Variants in NLRP6 observed in about 807,000 individuals in gnomAD.
NLRP6 encodes NLR family pyrin domain containing 6.
NLRP6 carries 55 observed loss-of-function variants against 70.9 expected under a neutral mutation model. The ratio of observed to expected loss-of-function variants is 0.78; its 90% CI spans 0.62 to 0.97. NLRP6 has a LOEUF of 0.97. NLRP6 is among the 50% of genes least tolerant of loss of function. The pLI, the probability that NLRP6 is intolerant of heterozygous loss-of-function variation, is 0.00. For synonymous variants in NLRP6, 652 were observed against 581.9 expected (o/e 1.12, Z -1.73); for missense variants, 1,241 against 1,238.3 (o/e 1.00, Z -0.03).
In NLRP6 at chr11:278,975, T is replaced by C. The variant is rs1260803536; in HGVS notation, c.30-352T>C. Reference sequence around the variant, plus strand: ...AAGAGAGCTCAGGGTTCCTTGGAAATACCTCCCTCGGGGCATGTGACCTGT... The same window carrying C: ...AAGAGAGCTCAGGGTTCCTTGGAAACACCTCCCTCGGGGCATGTGACCTGT... On this transcript the variant is annotated intron_variant, in intron 1 of 7. Transcript: ENST00000534750. The surrounding 1 kb of genome is among the most constrained non-coding windows in gnomAD (Gnocchi z 4.7). 1 of 343,872 alleles carries C rather than the reference T, an allele frequency of 2.9e-6. No homozygotes were observed. Among genetic ancestry groups the C allele is most frequent in the Non-Finnish European group, 5.2e-6 (1 of 190,694 alleles). 21.3% of individuals were successfully genotyped at this position (343,872 alleles called of 1,614,324 possible). A position where few individuals can be genotyped will look rare whatever the true frequency, so the allele number is the denominator to read the frequency against.
Position 280,784 on chromosome 11 carries a change from C to T in NLRP6, c.1050C>T (p.Ser350=), listed in dbSNP as rs765110010. ...AGTGCGCCGAGGTGCGCGGCTTCTCCGACAAGGACAAGAAGAAGTATTTCT... is the reference window on the plus strand; with the variant it reads ...AGTGCGCCGAGGTGCGCGGCTTCTCTGACAAGGACAAGAAGAAGTATTTCT... The part of the protein sequence containing the change: ...SPQCAEVRGF[S]DKDKKKYFYK... The change falls in exon 4 of 8, where the codon TCC becomes TCT. Residue 350 remains serine (S), a synonymous_variant. Coordinates refer to ENST00000534750, the MANE Select transcript of NLRP6 (RefSeq NM_001276700.2). 1 of 1,612,298 alleles carries T rather than the reference C, an allele frequency of 6.2e-7. No homozygotes were observed. The highest frequency in any genetic ancestry group is 2.2e-5 in the East Asian group (1 of 44,872).
intron 4 of NLRP6, among the ~76,000 whole-genome samples, chr11:282,215 G>C (rs1845489634): frequency 6.6e-6 from 1 of 152,014 alleles, no homozygotes; most frequent in African/African-American, 2.4e-5. Context: ...TGCCTGTCCT[G>C]CAAGTCTGCC....
rs1165656136 is a variant in NLRP6 at position 280,499 on chromosome 11, C to A, written c.765C>A (p.Asp255Glu). The change falls in exon 4 of 8, where the codon GAC (aspartate) becomes GAA (glutamate). Residue 255 changes from aspartate (D) to glutamate (E), a missense_variant. By Grantham distance (45) the Asp-to-Glu change is conservative. Transcript: ENST00000534750. ...GTRSLADLIL[D>E]QCPDRGAPVP... is the part of the protein sequence containing the mutation. ...GCAGCCTGGCTGACCTGATCCTGGACCAGTGCCCCGACCGCGGCGCGCCGG... is the reference window on the plus strand; with the variant it reads ...GCAGCCTGGCTGACCTGATCCTGGAACAGTGCCCCGACCGCGGCGCGCCGG... 5.1e-6 allele frequency: 8 copies of A among 1,581,972 alleles called. No homozygotes were observed. The East Asian group carries it at 1.9e-4, about 37-fold the overall frequency.
In NLRP6 at chr11:278,911, C is replaced by A. The variant is rs565632362; in HGVS notation, c.29+313C>A. ...TGCTGCCAAAGAGGCCAGTTCTGCTCCGGGATCGGGAAGAGAGGGAAAAGA... is the reference window on the plus strand; with the variant it reads ...TGCTGCCAAAGAGGCCAGTTCTGCTACGGGATCGGGAAGAGAGGGAAAAGA... On this transcript the variant is annotated intron_variant, in intron 1 of 7. Coordinates refer to ENST00000534750, the MANE Select transcript of NLRP6 (RefSeq NM_001276700.2). The surrounding 1 kb of genome is among the most constrained non-coding windows in gnomAD (Gnocchi z 4.7). 1 of 365,216 alleles carries A rather than the reference C, an allele frequency of 2.7e-6. No homozygotes were observed. Among genetic ancestry groups the A allele is most frequent in the East Asian group, 4.2e-5 (1 of 23,920 alleles). The allele number at this position is 365,216 out of a possible 1,614,324, so 22.6% of individuals were successfully genotyped here. A position where few individuals can be genotyped will look rare whatever the true frequency, so the allele number is the denominator to read the frequency against.
At position 281,807 on chromosome 11, in the gene NLRP6, G is replaced by GAAGCGGCTCCAGGCCAGCCTGGGT. The variant is rs772978951; in HGVS notation, c.2074_2097dup (p.Lys692_Gly699dup). The GAAGCGGCTCCAGGCCAGCCTGGGT allele has an allele frequency of 1.9e-6, 3 of 1,592,816 alleles. No individual in the cohort carries two copies. Among genetic ancestry groups the GAAGCGGCTCCAGGCCAGCCTGGGT allele is most frequent in the Non-Finnish European group, 2.6e-6 (3 of 1,173,046 alleles). ...AGGAGAAGAAGAAGAAGAGCCTGGG[G>GAAGCGGCTCCAGGCCAGCCTGGGT]AAGCGGCTCCAGGCCAGCCTGGGTG... On this transcript the variant is annotated inframe_insertion, in exon 4 of 8. Coordinates refer to ENST00000534750, the MANE Select transcript of NLRP6 (RefSeq NM_001276700.2).
intron 7 of NLRP6, 90 bp from the exon 8 acceptor site, chr11:285,076 C>T (rs1048742146): frequency 6.5e-5 from 77 of 1,186,932 alleles, no homozygotes; most frequent in Non-Finnish European, 8.3e-5. Context: ...CGTCACTGCC[C>T]GCGGCCCGGC....
chr11:280,022 C>G (rs1044025589), intron 3 of NLRP6, 62 bp from the exon 4 acceptor site: 13 of 1,429,470 alleles, frequency 9.1e-6, no homozygotes, highest in East Asian at 2.6e-5. Context: ...CGTGGGCTCC[C>G]GGAGGGCGCA....
In NLRP6 at chr11:282,763, A is replaced by G. The variant is rs199534188; in HGVS notation, c.2164A>G (p.Met722Val). ...ASLLHPLFQA[M>V]TDPLCHLSSL... ...CCTTCTTCATCCACTCTTTCAGGCA[A>G]TGACTGACCCACTGTGCCATCTGAG... is the stretch of plus-strand genomic sequence containing the variant. Residue 722 changes from methionine (M) to valine (V), a missense_variant, in exon 5 of 8, where the codon ATG (methionine) becomes GTG (valine). Met to Val is a conservative substitution (Grantham distance 21). Coordinates refer to ENST00000534750, the MANE Select transcript of NLRP6 (RefSeq NM_001276700.2). 1 of 1,613,850 alleles carries G rather than the reference A, an allele frequency of 6.2e-7. No individual in the cohort carries two copies. Among genetic ancestry groups the G allele is most frequent in the Admixed American group, 1.7e-5 (1 of 60,006 alleles).
chr11:284,187 G>T, intron 5 of NLRP6, 43 bp from the exon 6 acceptor site: 1 of 1,589,690 alleles, frequency 6.3e-7, no homozygotes, highest in South Asian at 1.1e-5. Flanking sequence ...TGGTGTGGTG[G>T]CTGAGGCGCC....
chr11:282,931 T>C, intron 5 of NLRP6, 134 bp downstream of exon 5: 1 of 706,814 alleles, frequency 1.4e-6, no homozygotes, highest in South Asian at 1.5e-5. Context: ...GTGCTGGAGA[T>C]GGCAGGCTCT....
rs1281469890 is a variant in NLRP6 at position 284,301 on chromosome 11, T to C, written c.2270T>C (p.Leu757Pro). 1 of 1,612,594 alleles carries C rather than the reference T, an allele frequency of 6.2e-7. No homozygotes were observed. Among genetic ancestry groups the C allele is most frequent in the Admixed American group, 1.7e-5 (1 of 60,004 alleles). Residue 757 changes from leucine to proline, a missense_variant, in exon 6 of 8, where the codon CTG becomes CCG. Transcript: ENST00000534750. ...LSEALRAAPA[L>P]TELGLLHNRL... is the part of the protein sequence containing the mutation. ...GAGGCCCTGAGGGCAGCCCCCGCACTGACGGAGCTGGGCCTCCTCCACAAC... is the reference window on the plus strand; with the variant it reads ...GAGGCCCTGAGGGCAGCCCCCGCACCGACGGAGCTGGGCCTCCTCCACAAC...
chr11:279,291 GC>G (rs1845431344), intron 1 of NLRP6, 35 bp from the exon 2 acceptor site: 1 of 1,258,618 alleles, frequency 7.9e-7, no homozygotes, highest in Non-Finnish European at 1.0e-6. Flanking sequence ...TCACCCGAGG[GC>G]CGCTCCCCGA....
Position 280,246 on chromosome 11 carries a change from C to T in NLRP6, c.512C>T (p.Pro171Leu), listed in dbSNP as rs1845449250. The stretch of plus-strand genomic sequence containing the variant: ...ATGGGGCCCGCGGAAGAGCCTGAGC[C>T]GGGGCGCGCGCGGCGCTCGGACACG... The part of the protein sequence containing the change: ...EAMGPAEEPE[P>L]GRARRSDTHT... The change falls in exon 4 of 8, where the codon CCG becomes CTG. Residue 171 changes from proline to leucine, a missense_variant. Physicochemically the swap from Pro to Leu is moderately conservative, Grantham distance 98. Transcript: ENST00000534750. 5 of 1,528,828 alleles carry T rather than the reference C, an allele frequency of 3.3e-6. No individual in the cohort carries two copies. The highest frequency in any genetic ancestry group is 4.4e-6 in the Non-Finnish European group (5 of 1,139,540). 94.7% of individuals were successfully genotyped at this position (1,528,828 alleles called of 1,614,324 possible). A position where few individuals can be genotyped will look rare whatever the true frequency, so the allele number is the denominator to read the frequency against.
intron 1 of NLRP6, chr11:279,032 G>A: frequency 2.8e-6 from 1 of 363,088 alleles, no homozygotes; most frequent in East Asian, 4.1e-5. Context: ...AGCAGAAAGG[G>A]AGGTGCAGGG....
At chr11:283,056 G>C (rs979694363) in intron 5 of NLRP6, among the ~76,000 whole-genome samples, 1 of 152,212 alleles carries the variant, frequency 6.6e-6, no homozygotes, top group African/African-American at 2.4e-5. Flanking sequence ...CACACTGAGG[G>C]AGGGATTAAA....
At position 280,595 on chromosome 11, in the gene NLRP6, G is replaced by T. The variant is rs928878536; in HGVS notation, c.861G>T (p.Leu287=). Residue 287 remains leucine (L), a synonymous_variant, in exon 4 of 8, where the codon CTG becomes CTT. Transcript: ENST00000534750. The part of the protein sequence containing the change: ...ILDGADELPA[L]GGPEAAPCTD... ...ACGGCGCGGACGAGCTGCCGGCGCTGGGGGGCCCCGAGGCCGCGCCCTGCA... is the reference window on the plus strand; with the variant it reads ...ACGGCGCGGACGAGCTGCCGGCGCTTGGGGGCCCCGAGGCCGCGCCCTGCA... 1.4e-6 allele frequency: 2 copies of T among 1,445,864 alleles called. No homozygotes were observed. The highest frequency in any genetic ancestry group is 3.0e-5 in the African/African-American group (2 of 66,704). The allele number at this position is 1,445,864 out of a possible 1,614,324, so 89.6% of individuals were successfully genotyped here.
intron 5 of NLRP6, among the ~76,000 whole-genome samples, 191 bp from the exon 6 acceptor site, chr11:284,039 A>C (rs9734276): frequency 1.3e-5 from 2 of 151,982 alleles, no homozygotes; most frequent in African/African-American, 4.8e-5. Flanking sequence ...GCAGGGAGAA[A>C]TGAACACAGC....
intron 5 of NLRP6, 63 bp from the exon 6 acceptor site, chr11:284,167 C>A: frequency 1.4e-6 from 2 of 1,462,126 alleles, no homozygotes; most frequent in Non-Finnish European, 1.9e-6. Context: ...GCATTTTGTG[C>A]AGTTGGAGGT....
intron 7 of NLRP6, 64 bp from the exon 8 acceptor site, chr11:285,102 G>A (rs1269938830): frequency 8.6e-6 from 13 of 1,507,046 alleles, no homozygotes; most frequent in Non-Finnish European, 1.1e-5. Context: ...CCACGGCACT[G>A]CCCCCAAGCC....
Sources: allele counts gnomAD v4.1 joint callset (sites outside exome capture counted in the v4.1 genomes callset), GRCh38; gene constraint gnomAD v4.1.1; non-coding constraint Gnocchi (gnomAD v3.1); transcripts MANE v1.5; gene names NCBI Gene and HGNC (gene_info 2026-07-23, HGNC 2026-07-21).